Variants in XKR4 observed in about 807,000 individuals in gnomAD.
XKR4 encodes XK-related protein 4.
A neutral mutation model predicts 53.9 loss-of-function variants in XKR4; 12 were observed. The observed-to-expected ratio is 0.22, with a 90% CI of 0.14 to 0.36. XKR4 has a LOEUF of 0.36. Among genes scored for constraint, XKR4 ranks in the 10% least tolerant of loss-of-function variants. XKR4 has a pLI of 1.00. For synonymous variants in XKR4, 354 were observed against 362.4 expected, an observed-to-expected ratio of 0.98 and a Z score of 0.26; for missense variants, 799 against 859.5, an observed-to-expected ratio of 0.93 and a Z score of 0.88.
rs1036272121 is a variant in XKR4 at position 55,341,717 on chromosome 8, G to T, written c.807-15961G>T. ...TAATTTCCTCCTAACCCCATAGGTG[G>T]ACAACAGGCCGGCTTTCAAACTCTT... On this transcript the variant is annotated intron_variant, in intron 1 of 2. Coordinates refer to ENST00000327381, the MANE Select transcript of XKR4 (RefSeq NM_052898.2). 2.6e-5 allele frequency among the ~76,000 whole-genome samples: 4 copies of T among 152,324 alleles called. No individual in the cohort carries two copies. In the South Asian group the frequency reaches 8.3e-4, roughly 32 times the overall value.
In XKR4 at chr8:55,109,143, T is replaced by C. The variant is rs573088989; in HGVS notation, c.806+5849T>C. The stretch of plus-strand genomic sequence containing the variant: ...AGAAGTTTTTTAGTAGTCGAAGATA[T>C]TTGCAGATCAACTGGGCTTCCTTAG... On this transcript the variant is annotated intron_variant, in intron 1 of 2. Transcript: ENST00000327381. Among the ~76,000 whole-genome samples the C allele has an allele frequency of 1.1e-4, 17 of 152,258 alleles. No homozygotes were observed. In the South Asian group the frequency reaches 3.5e-3, roughly 32 times the overall value.
chr8:55,254,011 T>G (rs1192317197), intron 1 of XKR4, among the ~76,000 whole-genome samples: 3 of 152,080 alleles, frequency 2.0e-5, no homozygotes, highest in East Asian at 3.9e-4. Context: ...CGAGCCACTG[T>G]GCCTGGCCTG....
At chr8:55,179,462 C>T (rs142939377) in intron 1 of XKR4, among the ~76,000 whole-genome samples, 1 of 152,256 alleles carries the variant, frequency 6.6e-6, no homozygotes, top group African/African-American at 2.4e-5. Context: ...AGACTGGTAT[C>T]CATTTGTGGC....
intron 1 of XKR4, among the ~76,000 whole-genome samples, chr8:55,178,082 C>G (rs564430193): frequency 4.9e-4 from 74 of 152,298 alleles, no homozygotes; most frequent in African/African-American, 1.7e-3. Flanking sequence ...CTGCATTGCC[C>G]TCTGGTTTTT....
intron 1 of XKR4, among the ~76,000 whole-genome samples, chr8:55,239,402 G>A (rs915322619): frequency 1.3e-5 from 2 of 152,200 alleles, no homozygotes; most frequent in African/African-American, 4.8e-5. Context: ...CATACTGCCT[G>A]CAGCCCAGAG....
intron 1 of XKR4, among the ~76,000 whole-genome samples, chr8:55,281,164 C>G (rs1434955072): frequency 1.3e-5 from 2 of 152,172 alleles, no homozygotes; most frequent in Admixed American, 1.3e-4. Flanking sequence ...TTTCCCTCTG[C>G]AGGAGCTGGG....
chr8:55,229,184 G>A (rs905894759), intron 1 of XKR4, among the ~76,000 whole-genome samples: 6 of 152,220 alleles, frequency 3.9e-5, no homozygotes, highest in African/African-American at 1.4e-4. Flanking sequence ...GCAGGCAGCA[G>A]GCAGCCATGG....
intron 1 of XKR4, among the ~76,000 whole-genome samples, chr8:55,343,595 T>C (rs887064450): frequency 2.2e-4 from 33 of 152,148 alleles, no homozygotes; most frequent in African/African-American, 8.0e-4. Context: ...TCTGCTCTCC[T>C]CCCAGAATCT....
chr8:55,375,990 T>A (rs1277311364), intron 2 of XKR4, among the ~76,000 whole-genome samples: 1 of 152,214 alleles, frequency 6.6e-6, no homozygotes, highest in East Asian at 1.9e-4. Flanking sequence ...TTTGGTTTTC[T>A]GTTCCTATAT....
At chr8:55,217,167 G>A (rs543391190) in intron 1 of XKR4, among the ~76,000 whole-genome samples, 5 of 148,676 alleles carry the variant, frequency 3.4e-5, no homozygotes, top group Admixed American at 1.4e-4. Context: ...GCATGAACCC[G>A]GGAGGCAGAG....
At chr8:55,152,660 T>A (rs1419895011) in intron 1 of XKR4, among the ~76,000 whole-genome samples, 2 of 130,926 alleles carry the variant, frequency 1.5e-5, no homozygotes, top group East Asian at 4.5e-4. Flanking sequence ...AAGCTGATAA[T>A]ACTAATGCTT....
chr8:55,261,840 T>C lies in XKR4; in HGVS notation c.807-95838T>C, dbSNP rs188379799. Among the ~76,000 whole-genome samples, 365 of 152,188 alleles carry C rather than the reference T, an allele frequency of 2.4e-3. 3 individuals are homozygous for C. Among genetic ancestry groups the C allele is most frequent in the Non-Finnish European group, 3.8e-3 (256 of 68,014 alleles). On this transcript the variant is annotated intron_variant, in intron 1 of 2. Transcript: ENST00000327381. ...ACTTCTGGAATATGAGAAGGTGATA[T>C]TAAGTTCTCATCTAAGAAAGAAAAG...
intron 2 of XKR4, among the ~76,000 whole-genome samples, chr8:55,510,719 A>G (rs1225836447): frequency 2.6e-5 from 4 of 152,216 alleles, no homozygotes; most frequent in Non-Finnish European, 4.4e-5. Flanking sequence ...GATCTTCATC[A>G]TATTATTAGA....
At chr8:55,357,605 A>C in intron 1 of XKR4, 73 bp from the exon 2 acceptor site, 1 of 1,543,162 alleles carries the variant, frequency 6.5e-7, no homozygotes, top group Non-Finnish European at 8.9e-7. Flanking sequence ...CTTGCAGAAA[A>C]GAACAACCCT....
Position 55,536,510 on chromosome 8 carries a change from A to G in XKR4, c.*12283A>G, listed in dbSNP as rs1277714720. The G allele has an allele frequency of 6.6e-6, 1 of 152,236 alleles. No homozygotes were observed. The highest frequency in any genetic ancestry group is 1.5e-5 in the Non-Finnish European group (1 of 68,048). 9.4% of individuals were successfully genotyped at this position (152,236 alleles called of 1,614,324 possible). A position where few individuals can be genotyped will look rare whatever the true frequency, so the allele number is the denominator to read the frequency against. On this transcript the variant is annotated 3_prime_UTR_variant, in exon 3 of 3. Transcript: ENST00000327381. ...AAGTGGTAAATTTGGTCTTCATGAT[A>G]TCAAACATACGGATATTTGGAAAAG...
At chr8:55,310,510 G>A (rs1456892799) in intron 1 of XKR4, among the ~76,000 whole-genome samples, 1 of 152,200 alleles carries the variant, frequency 6.6e-6, no homozygotes, top group Non-Finnish European at 1.5e-5. Flanking sequence ...AAAATGGGAA[G>A]ATCTAAAGAT....
In XKR4 at chr8:55,253,529, A is replaced by G. The variant is rs1008118918; in HGVS notation, c.807-104149A>G. Among the ~76,000 whole-genome samples the G allele has an allele frequency of 2.6e-5, 4 of 152,164 alleles. No individual in the cohort carries two copies. The East Asian group carries it at 5.8e-4, about 22-fold the overall frequency. ...AAAATGAAAGGCTAGCAGTTCTGTA[A>G]TATTTCTTTTCCAGCACTGCATAGA... is the stretch of plus-strand genomic sequence containing the variant. On this transcript the variant is annotated intron_variant, in intron 1 of 2. Transcript: ENST00000327381.
intron 1 of XKR4, among the ~76,000 whole-genome samples, chr8:55,344,337 C>T (rs969781716): frequency 7.2e-5 from 11 of 152,150 alleles, no homozygotes; most frequent in African/African-American, 2.7e-4. Flanking sequence ...ACACTCGGTG[C>T]TTTCCTTATT....
chr8:55,268,002 CAT>C (rs1198501252), intron 1 of XKR4, among the ~76,000 whole-genome samples: 26 of 152,218 alleles, frequency 1.7e-4, no homozygotes, highest in African/African-American at 5.5e-4. Context: ...TAAAAGAGGA[CAT>C]ATGGAAATGA....
Sources: gnomAD v4.1 joint callset for allele counts (sites outside exome capture counted in the v4.1 genomes callset) on GRCh38, gnomAD v4.1.1 for gene constraint, MANE v1.5 for transcripts, NCBI Gene and HGNC (gene_info 2026-07-23, HGNC 2026-07-21) for gene names.